Variants in LRRC37A2 observed in about 807,000 individuals in gnomAD.
LRRC37A2 encodes the protein leucine rich repeat containing 37 member A2, also known as leucine-rich repeat-containing protein 37A2.
In LRRC37A2, 9 loss-of-function variants were observed where a neutral mutation model predicts 68.8. That is an observed-to-expected ratio of 0.13 (90% CI 0.08 to 0.23). The LOEUF is 0.23. Ranked by LOEUF, LRRC37A2 falls within the 10% of genes least tolerant of loss-of-function variation. The probability of loss-of-function intolerance (pLI) is 1.00; values close to 1 mark genes in which losing one functional copy is unlikely to be tolerated. For missense variants in LRRC37A2, 168 were observed against 950.4 expected (o/e 0.18, Z 10.82); for synonymous variants, 63 against 367.6 (o/e 0.17, Z 9.48).
At chr17:46,895,429 G>T in the LRRC37A2 span, among the ~76,000 whole-genome samples, 1 of 152,214 alleles carries the variant, frequency 6.6e-6, no homozygotes, top group Non-Finnish European at 1.5e-5. Flanking sequence ...CTGTGCCACA[G>T]CTCTCACCCG....
At chr17:46,900,346 G>A in the LRRC37A2 span, among the ~76,000 whole-genome samples, 4 of 151,758 alleles carry the variant, frequency 2.6e-5, no homozygotes, top group South Asian at 8.3e-4. Context: ...TGCCTCCCGG[G>A]TTCAAGAGAT....
chr17:46,953,067 CG>C, the LRRC37A2 span, among the ~76,000 whole-genome samples: 1 of 151,314 alleles, frequency 6.6e-6, no homozygotes, highest in Non-Finnish European at 1.5e-5. Flanking sequence ...TATTATTTTA[CG>C]TAAGTTTTAG....
the LRRC37A2 span, among the ~76,000 whole-genome samples, chr17:46,878,233 G>A: frequency 2.0e-5 from 3 of 152,238 alleles, no homozygotes; most frequent in African/African-American, 7.2e-5. Flanking sequence ...ACGCCCATCT[G>A]TCAGCTTCCT....
At chr17:46,826,753 C>T in the LRRC37A2 span, among the ~76,000 whole-genome samples, 3 of 150,952 alleles carry the variant, frequency 2.0e-5, no homozygotes, top group Admixed American at 1.3e-4. Context: ...TGAGCATCCA[C>T]TCCCTCCCTC....
the LRRC37A2 span, chr17:46,978,494 C>A: frequency 1.4e-5 from 13 of 900,758 alleles, 2 homozygotes; most frequent in South Asian, 2.4e-4. Flanking sequence ...CCCGCGCCCC[C>A]GCCGACAGTC....
At chr17:46,970,762 C>A in the LRRC37A2 span, among the ~76,000 whole-genome samples, 1 of 152,132 alleles carries the variant, frequency 6.6e-6, no homozygotes, top group African/African-American at 2.4e-5. Flanking sequence ...AAAAGAGAAC[C>A]AGGTACAAGC....
At chr17:46,802,072 G>C in the LRRC37A2 span, among the ~76,000 whole-genome samples, 1 of 152,186 alleles carries the variant, frequency 6.6e-6, no homozygotes, top group East Asian at 1.9e-4. Context: ...GCATGTTTGT[G>C]ATATTATAAA....
chr17:46,876,992 A>C, the LRRC37A2 span: 6 of 1,260,060 alleles, frequency 4.8e-6, no homozygotes, highest in Non-Finnish European at 6.0e-6. Context: ...AAAGACATGG[A>C]GGGAAATAAG....
the LRRC37A2 span, chr17:46,939,015 C>T: frequency 7.5e-7 from 1 of 1,327,170 alleles, no homozygotes; most frequent in Admixed American, 2.8e-5. Flanking sequence ...CTCACTCTCG[C>T]TCTCACTGGG....
At chr17:46,849,719 C>A in the LRRC37A2 span, among the ~76,000 whole-genome samples, 1 of 152,206 alleles carries the variant, frequency 6.6e-6, no homozygotes, top group Non-Finnish European at 1.5e-5. Context: ...CAGAGATCAA[C>A]AGATGATACA....
At chr17:46,769,924 A>G in the LRRC37A2 span, 4 of 1,613,490 alleles carry the variant, frequency 2.5e-6, no homozygotes, top group Non-Finnish European at 2.5e-6. Context: ...AGCCTTCGCC[A>G]GGCGGCCCCT....
At chr17:46,930,941 T>C in the LRRC37A2 span, 1 of 637,362 alleles carries the variant, frequency 1.6e-6, no homozygotes, top group Non-Finnish European at 2.8e-6. Flanking sequence ...CGGCCTAACT[T>C]GAATTTTTTC....
At chr17:46,992,921 C>T in the LRRC37A2 span, among the ~76,000 whole-genome samples, 1 of 139,660 alleles carries the variant, frequency 7.2e-6, no homozygotes, top group African/African-American at 2.7e-5. Context: ...ATATTATTAA[C>T]TGAAGACAAA....
the LRRC37A2 span, among the ~76,000 whole-genome samples, chr17:46,779,020 G>C: frequency 1.4e-5 from 2 of 143,424 alleles, no homozygotes; most frequent in East Asian, 4.1e-4. Context: ...TAGTGGTAGT[G>C]TTTTCTCCAG....
At chr17:46,732,308 A>T in the LRRC37A2 span, among the ~76,000 whole-genome samples, 2 of 152,114 alleles carry the variant, frequency 1.3e-5, no homozygotes, top group African/African-American at 4.8e-5. Context: ...CAGGGGCACT[A>T]TGTTGTTATG....
At chr17:46,921,702 C>T in the LRRC37A2 span, among the ~76,000 whole-genome samples, 6 of 152,312 alleles carry the variant, frequency 3.9e-5, no homozygotes, top group Admixed American at 3.3e-4. Flanking sequence ...CAAAAGAAGA[C>T]ATTTATGCAG....
the LRRC37A2 span, among the ~76,000 whole-genome samples, chr17:46,753,843 T>C: frequency 4.6e-5 from 7 of 152,304 alleles, no homozygotes; most frequent in South Asian, 1.2e-3. Context: ...TGAATTCTCT[T>C]TAGATCTGCC....
chr17:46,967,727 A>G, the LRRC37A2 span, among the ~76,000 whole-genome samples: 1 of 141,480 alleles, frequency 7.1e-6, no homozygotes, highest in African/African-American at 2.9e-5. Context: ...ACAGTTCTGT[A>G]GACAACAGAG....
the LRRC37A2 span, among the ~76,000 whole-genome samples, chr17:46,857,154 C>T: frequency 6.6e-6 from 1 of 152,066 alleles, no homozygotes. Context: ...ATTATTTATC[C>T]ATTCCCCACT....
Sources: gnomAD v4.1 joint callset for allele counts (sites outside exome capture counted in the v4.1 genomes callset) on GRCh38, gnomAD v4.1.1 for gene constraint, MANE v1.5 for transcripts, NCBI Gene and HGNC (gene_info 2026-07-23, HGNC 2026-07-21) for gene names.